CFAP44: variants seen among roughly 807,000 people sequenced by gnomAD.
CFAP44 encodes cilia and flagella associated protein 44, also known as cilia- and flagella-associated protein 44.
A neutral mutation model predicts 216.2 loss-of-function variants in CFAP44; 134 were observed. The observed-to-expected ratio is 0.62, with a 90% CI of 0.54 to 0.72. The LOEUF is 0.72. Among genes scored for constraint, CFAP44 ranks in the 30% least tolerant of loss-of-function variants. The probability of loss-of-function intolerance (pLI) is 0.00; values close to 1 mark genes in which losing one functional copy is unlikely to be tolerated. For missense variants in CFAP44, 2,035 were observed against 2,182.1 expected (o/e 0.93, Z 1.34); for synonymous variants, 700 against 727.6 (o/e 0.96, Z 0.61).
chr3:113,406,534 G>A (rs1934284112), intron 8 of CFAP44, among the ~76,000 whole-genome samples: 1 of 151,834 alleles, frequency 6.6e-6, no homozygotes, highest in Non-Finnish European at 1.5e-5. Context: ...TGAGGCAGGA[G>A]AATGGCGTGA....
rs11923050 is a variant in CFAP44 at position 113,422,643 on chromosome 3, C to T, written c.408-2464G>A. Among the ~76,000 whole-genome samples the T allele has an allele frequency of 1.9e-3, 285 of 152,146 alleles. 2 individuals carry two copies. Among genetic ancestry groups the T allele is most frequent in the African/African-American group, 5.6e-3 (232 of 41,498 alleles). The stretch of plus-strand genomic sequence containing the variant: ...CAAGCCTCCTGGAGGAAGTTTTGCC[C>T]ACCGGTTTTTTTCTTTCCTTCAAAC... On this transcript the variant is annotated intron_variant, in intron 4 of 34. Transcript: ENST00000393845.
intron 17 of CFAP44, among the ~76,000 whole-genome samples, chr3:113,374,112 G>T (rs1933260516): frequency 6.6e-6 from 1 of 151,944 alleles, no homozygotes; most frequent in African/African-American, 2.4e-5. Flanking sequence ...AACAATAAAA[G>T]AATAAATAAG....
intron 5 of CFAP44, 122 bp from the exon 6 acceptor site, chr3:113,416,749 T>C: frequency 1.6e-6 from 1 of 621,992 alleles, no homozygotes. Context: ...AATAGAAAAC[T>C]CAAAAATGGG....
chr3:113,389,849 C>CA (rs964766853), intron 15 of CFAP44, among the ~76,000 whole-genome samples: 5 of 151,926 alleles, frequency 3.3e-5, no homozygotes, highest in African/African-American at 9.7e-5. Flanking sequence ...GTAATGAGAT[C>CA]AAAGCCATAA....
Position 113,352,579 on chromosome 3 carries a change from G to A in CFAP44, c.3065+6166C>T, listed in dbSNP as rs190269755. 1.1e-3 allele frequency among the ~76,000 whole-genome samples: 175 copies of A among 152,258 alleles called. 1 individual carries two copies. The highest frequency in any genetic ancestry group is 3.2e-3 in the African/African-American group (132 of 41,524). The stretch of plus-strand genomic sequence containing the variant: ...TTAGAAAAATATGAACAAAGTTTAA[G>A]GCAAATGGCAGAGCAGGAGAAACCA... On this transcript the variant is annotated intron_variant, in intron 22 of 34. Coordinates refer to ENST00000393845, the MANE Select transcript of CFAP44 (RefSeq NM_001164496.2).
chr3:113,306,427 T>G, intron 29 of CFAP44, 96 bp from the exon 30 acceptor site: 8 of 1,426,488 alleles, frequency 5.6e-6, no homozygotes, highest in Non-Finnish European at 4.7e-6. Flanking sequence ...CAATAATGTC[T>G]ATTTATGGAT....
Position 113,409,316 on chromosome 3 carries a change from G to A in CFAP44, c.680C>T (p.Thr227Ile). 1 of 1,613,306 alleles carries A rather than the reference G, an allele frequency of 6.2e-7. No homozygotes were observed. The highest frequency in any genetic ancestry group is 8.5e-7 in the Non-Finnish European group (1 of 1,179,458). The change falls in exon 7 of 35, where the codon ACT becomes ATT. Residue 227 changes from threonine (T) to isoleucine (I), a missense_variant. Around this residue, in one of 3 missense-constraint regions of CFAP44, gnomAD observed 1,883 missense variants for 2,023.7 expected, o/e 0.93. Transcript: ENST00000393845. ...LRPYRVLRDG[T>I]EKGYAYVDFN... ...GTCCACATAAGCATATCCCTTCTCA[G>A]TCCCATCTGGAAGGATAAATGGAAG...
intron 25 of CFAP44, among the ~76,000 whole-genome samples, chr3:113,331,790 A>G (rs1332170228): frequency 6.6e-6 from 1 of 152,220 alleles, no homozygotes; most frequent in Non-Finnish European, 1.5e-5. Flanking sequence ...TGGCTGAGAA[A>G]AAAGACAAAT....
At position 113,304,055 on chromosome 3, in the gene CFAP44, G is replaced by T; in HGVS notation, c.4938C>A (p.Asn1646Lys). Residue 1646 changes from asparagine to lysine, a missense_variant, in exon 32 of 35, where the codon AAC becomes AAA. Asn to Lys is a moderately conservative substitution (Grantham distance 94). Around this residue, in one of 3 missense-constraint regions of CFAP44, gnomAD observed 1,883 missense variants for 2,023.7 expected, o/e 0.93. Coordinates refer to ENST00000393845, the MANE Select transcript of CFAP44 (RefSeq NM_001164496.2). ...SDLSGTLVFS[N>K]HALRRLQERI... ...GTTCTTGCAGCCGTCTCAAGGCATG[G>T]TTAGAGAAGACCAAAGTACCAGAAA... 1 of 1,537,240 alleles carries T rather than the reference G, an allele frequency of 6.5e-7. No individual in the cohort carries two copies. The highest frequency in any genetic ancestry group is 1.2e-5 in the South Asian group (1 of 84,050).
In CFAP44 at chr3:113,386,007, T is replaced by A. The variant is rs367646075; in HGVS notation, c.1891-4947A>T. On this transcript the variant is annotated intron_variant, in intron 15 of 34. Transcript: ENST00000393845. ...CATTATTAGAAGTGGGATACTGAAA[T>A]CTGCTATCATTGTATTACTGTCTAT... 5.1e-4 allele frequency among the ~76,000 whole-genome samples: 78 copies of A among 152,282 alleles called. 1 individual carries two copies. The South Asian group carries it at 0.015, about 30-fold the overall frequency.
chr3:113,348,192 C>A (rs1950407630), intron 22 of CFAP44, among the ~76,000 whole-genome samples: 1 of 152,146 alleles, frequency 6.6e-6, no homozygotes, highest in African/African-American at 2.4e-5. Context: ...ATTGCAGGTT[C>A]TTGGGTCGGG....
At chr3:113,292,299 A>G (rs1949837621) in intron 34 of CFAP44, among the ~76,000 whole-genome samples, 1 of 152,184 alleles carries the variant, frequency 6.6e-6, no homozygotes, top group Non-Finnish European at 1.5e-5. Context: ...TATTTATGAT[A>G]TTTGACCATT....
At chr3:113,349,596 C>T (rs1950423255) in intron 22 of CFAP44, among the ~76,000 whole-genome samples, 2 of 152,302 alleles carry the variant, frequency 1.3e-5, no homozygotes, top group South Asian at 4.2e-4. Flanking sequence ...CTCCCTTGCC[C>T]ATGTCCACTA....
intron 34 of CFAP44, 128 bp downstream of exon 34, chr3:113,294,559 G>A (rs1255022526): frequency 2.4e-6 from 3 of 1,230,760 alleles, no homozygotes; most frequent in Non-Finnish European, 2.2e-6. Context: ...CGGGGACGCA[G>A]ATGGTCTGGA....
chr3:113,396,476 T>C (rs1227808905), intron 14 of CFAP44, 42 bp downstream of exon 14: 1 of 1,589,304 alleles, frequency 6.3e-7, no homozygotes. Flanking sequence ...GCAATTTAAC[T>C]ATAAAATTTC....
intron 5 of CFAP44, chr3:113,417,139 C>T (rs1213215067): frequency 6.6e-6 from 1 of 152,406 alleles, no homozygotes; most frequent in Non-Finnish European, 1.5e-5. Context: ...CTGAGATGAA[C>T]TGTCTACCCT....
At chr3:113,318,046 G>GT (rs1287110967) in intron 28 of CFAP44, among the ~76,000 whole-genome samples, 4,450 of 147,196 alleles carry the variant, frequency 0.03, 118 homozygotes, top group African/African-American at 0.069. Flanking sequence ...GCCACTACTG[G>GT]TTTTTTTTTT....
chr3:113,364,788 C>G (rs1950572710), intron 19 of CFAP44, among the ~76,000 whole-genome samples: 2 of 152,130 alleles, frequency 1.3e-5, no homozygotes, highest in Non-Finnish European at 2.9e-5. Context: ...CTGGGCATCA[C>G]CTTCAGAGAT....
intron 18 of CFAP44, among the ~76,000 whole-genome samples, chr3:113,370,518 C>A (rs761583110): frequency 1.3e-4 from 20 of 152,132 alleles, no homozygotes; most frequent in Non-Finnish European, 2.1e-4. Flanking sequence ...AGGCCTTCAA[C>A]AAAATTCAAC....
Sources: gnomAD v4.1 joint callset for allele counts (sites outside exome capture counted in the v4.1 genomes callset) on GRCh38, gnomAD v4.1.1 for gene constraint, gnomAD v4.1.1 regional missense constraint, MANE v1.5 for transcripts, NCBI Gene and HGNC (gene_info 2026-07-23, HGNC 2026-07-21) for gene names.